The following CYB561 variants were observed in gnomAD, a reference collection of about 807,000 sequenced individuals.
CYB561 encodes cytochrome b561, also known as transmembrane ascorbate-dependent reductase CYB561.
CYB561 carries 11 observed loss-of-function variants against 25.3 expected under a neutral mutation model. That is an observed-to-expected ratio of 0.44 (90% CI 0.27 to 0.72). The LOEUF is 0.72. Among genes scored for constraint, CYB561 ranks in the 30% least tolerant of loss-of-function variants. The pLI is 0.18. For synonymous variants in CYB561, 165 were observed against 158.8 expected (o/e 1.04, Z -0.29); for missense variants, 295 against 334.9 (o/e 0.88, Z 0.93).
In CYB561 at chr17:63,436,110, G is replaced by A. The variant is rs1349464414; in HGVS notation, c.245C>T (p.Thr82Ile). 1 of 1,614,228 alleles carries A rather than the reference G, an allele frequency of 6.2e-7. No individual in the cohort carries two copies. Residue 82 changes from threonine (T) to isoleucine (I), a missense_variant, in exon 3 of 6, where the codon ACC (threonine) becomes ATC (isoleucine). Coordinates refer to ENST00000360793, the MANE Select transcript of CYB561 (RefSeq NM_001915.4). This position sits in a 1 kb window ranked among gnomAD's most constrained non-coding sequence, Gnocchi z 4.8. Reference sequence around the variant, plus strand: ...CAGCAGCCCGTGCAGGACCTTGGTGGTGCGTTTAGCTTCGTTCCTGAAGAC... The same window carrying A: ...CAGCAGCCCGTGCAGGACCTTGGTGATGCGTTTAGCTTCGTTCCTGAAGAC... ...YRVFRNEAKR[T>I]TKVLHGLLHI...
chr17:63,435,352 G>T, intron 4 of CYB561, 109 bp from the exon 5 acceptor site: 1 of 1,224,880 alleles, frequency 8.2e-7, no homozygotes, highest in Non-Finnish European at 1.2e-6. Flanking sequence ...GAGCCCCTCA[G>T]CCCTGCCTGG....
At position 63,433,597 on chromosome 17, in the gene CYB561, C is replaced by T. The variant is rs541320822; in HGVS notation, c.*805G>A. On this transcript the variant is annotated 3_prime_UTR_variant, in exon 6 of 6. Coordinates refer to ENST00000360793, the MANE Select transcript of CYB561 (RefSeq NM_001915.4). ...GCCTGGGTGAGCCTGGGAGAGGAAA[C>T]CAGAGCTGAGCCGCAAGGGGGGTGC... 1.8e-5 allele frequency: 7 copies of T among 386,526 alleles called. No individual in the cohort carries two copies. The South Asian group carries it at 1.0e-3, about 56-fold the overall frequency. The allele number at this position is 386,526 out of a possible 1,614,324, so 23.9% of individuals were successfully genotyped here. A position where few individuals can be genotyped will look rare whatever the true frequency, so the allele number is the denominator to read the frequency against.
intron 1 of CYB561, chr17:63,438,379 T>C (rs2049338133): frequency 1.6e-6 from 1 of 620,752 alleles, no homozygotes; most frequent in Non-Finnish European, 2.8e-6. Flanking sequence ...TCCCCCATCC[T>C]GGTTTTTAAC....
At chr17:63,443,566 G>T (rs2049396483) in intron 1 of CYB561, among the ~76,000 whole-genome samples, 1 of 152,000 alleles carries the variant, frequency 6.6e-6, no homozygotes, top group East Asian at 1.9e-4. Context: ...AAAATCAGAA[G>T]AAAAAAATGA....
Position 63,437,432 on chromosome 17 carries a change from C to G in CYB561, c.116G>C (p.Arg39Pro), listed in dbSNP as rs770920986. Residue 39 changes from arginine to proline, a missense_variant, in exon 2 of 6, where the codon CGA becomes CCA. By Grantham distance (103) the Arg-to-Pro change is moderately radical (BLOSUM62 -2). Transcript: ENST00000360793. ...AMTGAWLGLY[R>P]GGIAWESDLQ... ...GTCGCTCTCCCAGGCAATGCCGCCT[C>G]GGTACAGCCCGAGCCACGCGCCGGT... The G allele has an allele frequency of 6.2e-7, 1 of 1,613,914 alleles. No homozygotes were observed. Among genetic ancestry groups the G allele is most frequent in the Non-Finnish European group, 8.5e-7 (1 of 1,180,004 alleles).
rs1304206468 is a variant in CYB561, at chr17:63,446,232, C to G, written c.-14+13G>C. The G allele has an allele frequency of 6.6e-6, 1 of 152,038 alleles. No individual in the cohort carries two copies. The highest frequency in any genetic ancestry group is 1.5e-5 in the Non-Finnish European group (1 of 68,006). 9.4% of individuals were successfully genotyped at this position (152,038 alleles called of 1,614,324 possible). On this transcript the variant is annotated intron_variant, in intron 1 of 5. Transcript: ENST00000360793. Reference sequence around the variant, plus strand: ...CTGCGCGCTCCGCTCCCACCCCCAGCCCGGCCTCCTACCTTGCCTACCCGA... The same window carrying G: ...CTGCGCGCTCCGCTCCCACCCCCAGGCCGGCCTCCTACCTTGCCTACCCGA...
intron 1 of CYB561, among the ~76,000 whole-genome samples, chr17:63,444,297 T>C (rs1464811754): frequency 6.6e-6 from 1 of 152,250 alleles, no homozygotes; most frequent in Non-Finnish European, 1.5e-5. Flanking sequence ...AGATGTGATT[T>C]CAAAACAGAC....
chr17:63,440,806 G>A (rs931833781), intron 1 of CYB561: 2 of 152,474 alleles, frequency 1.3e-5, no homozygotes, highest in East Asian at 1.9e-4. Context: ...CTAATACCCC[G>A]AGTCTAACAG....
Position 63,433,904 on chromosome 17 carries a change from T to TTACAC in CYB561, c.*493_*497dup, listed in dbSNP as rs2049262376. 5.9e-6 allele frequency: 1 copy of TTACAC among 170,544 alleles called. No homozygotes were observed. The highest frequency in any genetic ancestry group is 1.2e-5 in the Non-Finnish European group (1 of 81,140). The allele number at this position is 170,544 out of a possible 1,614,324, so 10.6% of individuals were successfully genotyped here. A position where few individuals can be genotyped will look rare whatever the true frequency, so the allele number is the denominator to read the frequency against. On this transcript the variant is annotated 3_prime_UTR_variant, in exon 6 of 6. Coordinates refer to ENST00000360793, the MANE Select transcript of CYB561 (RefSeq NM_001915.4). ...ACCTTGCTTTCACCACCAACATACT[T>TTACAC]TACACATCATATCACTTGCTCCTCT...
At chr17:63,440,034 T>A (rs8078022) in intron 1 of CYB561, among the ~76,000 whole-genome samples, 3,388 of 152,018 alleles carry the variant, frequency 0.022, 106 homozygotes, top group African/African-American at 0.075. Context: ...ATTCCCAGGG[T>A]GGACGGGAAT....
chr17:63,437,970 G>GCCCCCCCCCCCCCCCC, intron 1 of CYB561: 10 of 643,048 alleles, frequency 1.6e-5, no homozygotes, highest in African/African-American at 4.1e-5. Flanking sequence ...TCCCACGGCG[G>GCCCCCCCCCCCCCCCC]CCCCGCCACC....
At chr17:63,445,671 G>A (rs898905962) in intron 1 of CYB561, among the ~76,000 whole-genome samples, 12 of 152,154 alleles carry the variant, frequency 7.9e-5, no homozygotes, top group African/African-American at 2.9e-4. Context: ...AGTTGGCACC[G>A]GCCTGACCCA....
chr17:63,445,960 C>G (rs1394233292), intron 1 of CYB561: 1 of 152,394 alleles, frequency 6.6e-6, no homozygotes, highest in Non-Finnish European at 1.5e-5. Flanking sequence ...AAGCGGGGGT[C>G]TCGGTTCTAA....
chr17:63,446,209 G>A (rs1290679744), intron 1 of CYB561, 36 bp downstream of exon 1: 1 of 151,898 alleles, frequency 6.6e-6, no homozygotes, highest in Non-Finnish European at 1.5e-5. Context: ...CCGCACCCCT[G>A]CGCGCTCCGC....
At position 63,434,281 on chromosome 17, in the gene CYB561, C is replaced by A. The variant is rs768740308; in HGVS notation, c.*121G>T. The A allele has an allele frequency of 1.2e-6, 1 of 834,126 alleles. No individual in the cohort carries two copies. The highest frequency in any genetic ancestry group is 1.8e-6 in the Non-Finnish European group (1 of 547,656). The allele number at this position is 834,126 out of a possible 1,614,324, so 51.7% of individuals were successfully genotyped here. On this transcript the variant is annotated 3_prime_UTR_variant, in exon 6 of 6. Coordinates refer to ENST00000360793, the MANE Select transcript of CYB561 (RefSeq NM_001915.4). The stretch of plus-strand genomic sequence containing the variant: ...CCAGAAAGCAGCACTCAAACAGATG[C>A]AGCTGCACCCACGCGCCCGCCTGCT...
At chr17:63,442,555 T>C (rs1252584617) in intron 1 of CYB561, among the ~76,000 whole-genome samples, 1 of 152,110 alleles carries the variant, frequency 6.6e-6, no homozygotes, top group African/African-American at 2.4e-5. Flanking sequence ...AGCAGAACTG[T>C]GGGCAGCAGC....
chr17:63,446,340 C>A (rs1202289893), upstream of CYB561: 1 of 151,946 alleles, frequency 6.6e-6, no homozygotes, highest in Non-Finnish European at 1.5e-5. Context: ...GCCATGGCAA[C>A]CGGGCGGCGG....
intron 1 of CYB561, 129 bp downstream of exon 1, chr17:63,446,116 G>A (rs2049421191): frequency 1.3e-5 from 2 of 152,248 alleles, no homozygotes; most frequent in Non-Finnish European, 2.9e-5. Context: ...GGCCGCAAGG[G>A]GCAGGTGCGA....
intron 1 of CYB561, among the ~76,000 whole-genome samples, chr17:63,444,740 C>T (rs1013271887): frequency 1.6e-4 from 25 of 152,202 alleles, no homozygotes; most frequent in African/African-American, 5.5e-4. Context: ...CAGTAGAGTG[C>T]TTTTTCCCAG....
Sources: allele counts gnomAD v4.1 joint callset (sites outside exome capture counted in the v4.1 genomes callset), GRCh38; gene constraint gnomAD v4.1.1; non-coding constraint Gnocchi (gnomAD v3.1); transcripts MANE v1.5; gene names NCBI Gene and HGNC (gene_info 2026-07-23, HGNC 2026-07-21).